PTPRK: variants seen among roughly 807,000 people sequenced by gnomAD.
PTPRK encodes the protein receptor-type tyrosine-protein phosphatase kappa.
In PTPRK, 75 loss-of-function variants were observed where a neutral mutation model predicts 178.0. That is an observed-to-expected ratio of 0.42 (90% CI 0.35 to 0.51). PTPRK has a LOEUF of 0.51. Ranked by LOEUF, PTPRK falls within the 20% of genes least tolerant of loss-of-function variation. PTPRK has a pLI of 0.02. For missense variants in PTPRK, 1,441 were observed against 1,797.8 expected, an observed-to-expected ratio of 0.80 and a Z score of 3.59; for synonymous variants, 637 against 620.6, an observed-to-expected ratio of 1.03 and a Z score of -0.39.
At chr6:128,228,085 T>G (rs1811664518) in intron 5 of PTPRK, among the ~76,000 whole-genome samples, 1 of 150,622 alleles carries the variant, frequency 6.6e-6, no homozygotes, top group Non-Finnish European at 1.5e-5. Flanking sequence ...ACCTGTATGT[T>G]TTGCACATGT....
At chr6:128,487,804 G>C (rs1853178400) in intron 1 of PTPRK, among the ~76,000 whole-genome samples, 1 of 152,114 alleles carries the variant, frequency 6.6e-6, no homozygotes, top group African/African-American at 2.4e-5. Context: ...CTTTTCTCTT[G>C]TTAACCTGTC....
In PTPRK at chr6:128,181,598, G is replaced by A. The variant is rs143711371; in HGVS notation, c.1162+2834C>T. On this transcript the variant is annotated intron_variant, in intron 7 of 29. Transcript: ENST00000368226. ...AAAGGTTATTTTTGGAGTCTCAAAGGTATTTCCCAAGATTATGAAGCATTT... is the reference window on the plus strand; with the variant it reads ...AAAGGTTATTTTTGGAGTCTCAAAGATATTTCCCAAGATTATGAAGCATTT... Among the ~76,000 whole-genome samples, 362 of 152,096 alleles carry A rather than the reference G, an allele frequency of 2.4e-3. 3 individuals are homozygous for A. The highest frequency in any genetic ancestry group is 7.7e-3 in the South Asian group (37 of 4,818).
intron 3 of PTPRK, among the ~76,000 whole-genome samples, chr6:128,309,813 T>A (rs544950326): frequency 8.5e-5 from 13 of 152,312 alleles, no homozygotes; most frequent in Non-Finnish European, 1.6e-4. Flanking sequence ...AACACCATTT[T>A]TATAGAAAAT....
At chr6:128,464,394 C>T (rs1011587903) in intron 1 of PTPRK, among the ~76,000 whole-genome samples, 2 of 151,398 alleles carry the variant, frequency 1.3e-5, no homozygotes, top group Admixed American at 6.6e-5. Flanking sequence ...GAAAAGAGTG[C>T]ATTAACAACC....
At chr6:127,992,571 T>G in intron 19 of PTPRK, 102 bp downstream of exon 19, 1 of 975,768 alleles carries the variant, frequency 1.0e-6, no homozygotes, top group Non-Finnish European at 1.5e-6. Flanking sequence ...AAGGGCTGAT[T>G]TTTTTGTTAC....
chr6:128,053,149 AACACACACACAC>A lies in PTPRK; in HGVS notation c.2194+11597_2194+11608del, dbSNP rs61106638. 6.2e-4 allele frequency among the ~76,000 whole-genome samples: 90 copies of A among 145,034 alleles called. 1 individual carries two copies. The South Asian group carries it at 0.019, about 30-fold the overall frequency. Reference sequence around the variant, plus strand: ...CTGTCTCAGTGGACTATGTGTATGGAACACACACACACACACACACACACACACACACACCCC... The same window carrying A: ...CTGTCTCAGTGGACTATGTGTATGGAACACACACACACACACACACACCCC... On this transcript the variant is annotated intron_variant, in intron 13 of 29. Coordinates refer to ENST00000368226, the MANE Select transcript of PTPRK (RefSeq NM_002844.4).
At chr6:128,428,299 G>A (rs1052043461) in intron 1 of PTPRK, among the ~76,000 whole-genome samples, 6 of 152,262 alleles carry the variant, frequency 3.9e-5, no homozygotes, top group East Asian at 3.9e-4. Context: ...GCTAAGCATC[G>A]TACTCCAGCT....
chr6:128,408,163 G>A (rs538199695), intron 1 of PTPRK, among the ~76,000 whole-genome samples: 35 of 152,278 alleles, frequency 2.3e-4, no homozygotes, highest in African/African-American at 7.0e-4. Context: ...CAAGGCAGAC[G>A]GATCACCTGA....
At chr6:128,002,450 G>A (rs999273061) in intron 15 of PTPRK, among the ~76,000 whole-genome samples, 3 of 151,704 alleles carry the variant, frequency 2.0e-5, no homozygotes, top group African/African-American at 7.3e-5. Flanking sequence ...ACTAATCATT[G>A]GTGTATAATT....
intron 7 of PTPRK, among the ~76,000 whole-genome samples, chr6:128,173,828 T>C (rs1405062376): frequency 1.3e-5 from 2 of 152,006 alleles, no homozygotes; most frequent in East Asian, 3.9e-4. Context: ...TTCTAATCTT[T>C]CTGAAATCTC....
At chr6:128,178,426 T>C (rs1801413504) in intron 7 of PTPRK, among the ~76,000 whole-genome samples, 3 of 151,782 alleles carry the variant, frequency 2.0e-5, no homozygotes, top group African/African-American at 7.3e-5. Flanking sequence ...CTCATGATTT[T>C]CCCCTCTAAT....
chr6:128,414,899 C>T (rs575314576), intron 1 of PTPRK, among the ~76,000 whole-genome samples: 1 of 152,038 alleles, frequency 6.6e-6, no homozygotes, highest in Non-Finnish European at 1.5e-5. Flanking sequence ...CATTCAATTT[C>T]ATTTAATATT....
In PTPRK at chr6:128,322,616, C is replaced by A. The variant is rs1253488747; in HGVS notation, c.224-306G>T. Among the ~76,000 whole-genome samples the A allele has an allele frequency of 2.0e-5, 3 of 150,166 alleles. No homozygotes were observed. The South Asian group carries it at 6.3e-4, about 31-fold the overall frequency. ...GTAACACTCAAAGCTGGGTTCAAAT[C>A]CAGATCTCACTCTAAATCTCTGGTA... On this transcript the variant is annotated intron_variant, in intron 2 of 29. Coordinates refer to ENST00000368226, the MANE Select transcript of PTPRK (RefSeq NM_002844.4).
At chr6:128,412,238 G>A (rs1455549829) in intron 1 of PTPRK, among the ~76,000 whole-genome samples, 1 of 152,150 alleles carries the variant, frequency 6.6e-6, no homozygotes, top group Non-Finnish European at 1.5e-5. Context: ...GCAGAGTGGC[G>A]ACAAGCCAGG....
At chr6:128,397,770 T>C (rs755582142) in intron 1 of PTPRK, 82 bp from the exon 2 acceptor site, 4 of 1,354,410 alleles carry the variant, frequency 3.0e-6, no homozygotes, top group Non-Finnish European at 4.2e-6. Flanking sequence ...AATGTTATAT[T>C]GATATATATA....
At chr6:128,064,015 G>C (rs923371503) in intron 13 of PTPRK, among the ~76,000 whole-genome samples, 12 of 152,162 alleles carry the variant, frequency 7.9e-5, no homozygotes, top group Non-Finnish European at 1.3e-4. Context: ...TCTGCATGCA[G>C]ACAGCTTTTT....
chr6:128,051,005 A>T (rs1202996837), intron 13 of PTPRK, among the ~76,000 whole-genome samples: 1 of 152,192 alleles, frequency 6.6e-6, no homozygotes, highest in Non-Finnish European at 1.5e-5. Context: ...CACATCTGAT[A>T]CTTGTACTCT....
chr6:128,131,567 C>T (rs1484817983), intron 7 of PTPRK, among the ~76,000 whole-genome samples: 1 of 152,200 alleles, frequency 6.6e-6, no homozygotes, highest in South Asian at 2.1e-4. Flanking sequence ...AAAAATTCAT[C>T]TCTCACTGCA....
At chr6:128,214,544 C>CATTATTATTATTATTATTATTATTATT (rs369013218) in intron 6 of PTPRK, among the ~76,000 whole-genome samples, 27 of 150,032 alleles carry the variant, frequency 1.8e-4, no homozygotes, top group Middle Eastern at 3.4e-3. Context: ...ACCAGTGATG[C>CATTATTATTATTATTATTATTATTATT]ATTATTATTA....
Sources: gnomAD v4.1 joint callset for allele counts (sites outside exome capture counted in the v4.1 genomes callset) on GRCh38, gnomAD v4.1.1 for gene constraint, MANE v1.5 for transcripts, NCBI Gene and HGNC (gene_info 2026-07-23, HGNC 2026-07-21) for gene names.